DLGAP2: variants seen among roughly 807,000 people sequenced by gnomAD.
DLGAP2 encodes the protein DLG associated protein 2.
A neutral mutation model predicts 100.3 loss-of-function variants in DLGAP2; 26 were observed. That is an observed-to-expected ratio of 0.26 (90% confidence interval 0.19 to 0.36). The LOEUF (loss-of-function observed/expected upper bound fraction) is 0.36, where lower values mean the gene tolerates loss of function less well. DLGAP2 is among the 10% of genes least tolerant of loss of function. The probability of loss-of-function intolerance (pLI) is 1.00; values close to 1 mark genes in which losing one functional copy is unlikely to be tolerated. For synonymous variants in DLGAP2, 886 were observed against 630.1 expected (o/e 1.41, Z -6.08); for missense variants, 1,858 against 1,453.2 (o/e 1.28, Z -4.53).
At position 1,540,716 on chromosome 8, in the gene DLGAP2, G is replaced by T. The variant is rs149542990; in HGVS notation, c.173-7910G>T. Among the ~76,000 whole-genome samples the T allele has an allele frequency of 2.9e-3, 444 of 152,342 alleles. 2 individuals are homozygous for T. Among genetic ancestry groups the T allele is most frequent in the African/African-American group, 9.9e-3 (410 of 41,570 alleles). ...GGCATCACTGCGGACAGAGCCCAGC[G>T]TGGGCGGCCGTGACCAGCAGTGCTT... On this transcript the variant is annotated intron_variant, in intron 4 of 14. Coordinates refer to ENST00000637795, the MANE Select transcript of DLGAP2 (RefSeq NM_001346810.2).
chr8:1,695,424 C>T (rs1799367131), intron 13 of DLGAP2, among the ~76,000 whole-genome samples: 3 of 140,966 alleles, frequency 2.1e-5, no homozygotes, highest in South Asian at 2.2e-4. Context: ...AGAGGGGGCA[C>T]AGCCATGTCC....
chr8:863,978 A>C (rs1014532223), intron 1 of DLGAP2, among the ~76,000 whole-genome samples: 15 of 152,198 alleles, frequency 9.9e-5, no homozygotes, highest in African/African-American at 3.6e-4. Context: ...AGGTGAATGG[A>C]TAAAGAAAAT....
At chr8:1,148,595 C>T (rs1430639034) in intron 2 of DLGAP2, among the ~76,000 whole-genome samples, 1 of 151,918 alleles carries the variant, frequency 6.6e-6, no homozygotes, top group African/African-American at 2.4e-5. Flanking sequence ...TTAGCTGCCT[C>T]TCGAGTATTA....
At chr8:1,218,659 A>T (rs1264128102) in intron 2 of DLGAP2, among the ~76,000 whole-genome samples, 2 of 152,184 alleles carry the variant, frequency 1.3e-5, no homozygotes, top group East Asian at 3.9e-4. Context: ...AGTTCTAATT[A>T]TATGGAAAAT....
chr8:1,418,478 TTC>T (rs1455193335), intron 3 of DLGAP2, among the ~76,000 whole-genome samples: 2 of 152,300 alleles, frequency 1.3e-5, no homozygotes, highest in South Asian at 2.1e-4. Context: ...GTTAACTTCT[TTC>T]TCTCTTTTAA....
chr8:1,323,833 T>C (rs1446093089), intron 3 of DLGAP2, among the ~76,000 whole-genome samples: 1 of 152,238 alleles, frequency 6.6e-6, no homozygotes, highest in Non-Finnish European at 1.5e-5. Flanking sequence ...CACCTGTTCC[T>C]GGAGCTGAGG....
chr8:1,356,665 G>A (rs1563102807), intron 3 of DLGAP2, among the ~76,000 whole-genome samples: 1 of 152,222 alleles, frequency 6.6e-6, no homozygotes, highest in African/African-American at 2.4e-5. Context: ...GTGACGGTTG[G>A]TGAATGAGGT....
intron 3 of DLGAP2, among the ~76,000 whole-genome samples, chr8:1,441,476 T>A (rs1797830581): frequency 6.6e-6 from 1 of 151,872 alleles, no homozygotes. Context: ...GATCACAAGG[T>A]CAAGAGATCA....
chr8:1,380,453 G>A (rs1043373487), intron 3 of DLGAP2: 4 of 152,138 alleles, frequency 2.6e-5, no homozygotes, highest in South Asian at 2.1e-4. Flanking sequence ...GCACAAATTC[G>A]TGCATAAAAC....
At chr8:746,082 G>A (rs556648613) in intron 1 of DLGAP2, among the ~76,000 whole-genome samples, 10 of 152,286 alleles carry the variant, frequency 6.6e-5, no homozygotes, top group East Asian at 1.9e-4. Context: ...CCTGGTCGGG[G>A]CCCGTGTGCC....
chr8:857,515 T>C (rs1010132204), intron 1 of DLGAP2, among the ~76,000 whole-genome samples: 1 of 152,178 alleles, frequency 6.6e-6, no homozygotes, highest in Non-Finnish European at 1.5e-5. Context: ...TTTTAAAATG[T>C]GTAAAAGATC....
At chr8:1,437,366 C>T (rs766437463) in intron 3 of DLGAP2, among the ~76,000 whole-genome samples, 2 of 152,256 alleles carry the variant, frequency 1.3e-5, no homozygotes, top group African/African-American at 2.4e-5. Flanking sequence ...TTACGTTTCT[C>T]TGAATGTGCC....
At chr8:1,293,336 C>T (rs535671615) in intron 3 of DLGAP2, among the ~76,000 whole-genome samples, 11 of 152,226 alleles carry the variant, frequency 7.2e-5, no homozygotes, top group African/African-American at 1.2e-4. Context: ...GACGGCTGAG[C>T]CATGGCTCCT....
intron 1 of DLGAP2, among the ~76,000 whole-genome samples, chr8:763,912 A>G (rs1484420968): frequency 1.3e-5 from 2 of 152,232 alleles, no homozygotes; most frequent in Non-Finnish European, 2.9e-5. Context: ...ACAGAAAGTG[A>G]CGGCCTCATA....
intron 3 of DLGAP2, among the ~76,000 whole-genome samples, chr8:1,434,691 A>C (rs1405288054): frequency 6.6e-6 from 1 of 152,066 alleles, no homozygotes; most frequent in Non-Finnish European, 1.5e-5. Context: ...GCCCTGGCTG[A>C]TCTCGAACTC....
intron 3 of DLGAP2, among the ~76,000 whole-genome samples, chr8:1,428,118 A>C (rs1479665086): frequency 6.6e-6 from 1 of 151,848 alleles, no homozygotes; most frequent in Non-Finnish European, 1.5e-5. Flanking sequence ...TAAGAGAAAG[A>C]AAATGATAAA....
intron 4 of DLGAP2, among the ~76,000 whole-genome samples, chr8:1,502,739 G>T (rs1200436979): frequency 6.6e-6 from 1 of 152,196 alleles, no homozygotes; most frequent in African/African-American, 2.4e-5. Flanking sequence ...CTCATTTGAC[G>T]TTTGTTTTCT....
At chr8:1,139,816 A>G (rs1302753192) in intron 2 of DLGAP2, among the ~76,000 whole-genome samples, 1 of 151,946 alleles carries the variant, frequency 6.6e-6, no homozygotes, top group African/African-American at 2.4e-5. Context: ...CCGTAAGTGT[A>G]TTAACTTTTT....
At chr8:1,419,788 A>G (rs573136682) in intron 3 of DLGAP2, among the ~76,000 whole-genome samples, 1 of 152,212 alleles carries the variant, frequency 6.6e-6, no homozygotes, top group Non-Finnish European at 1.5e-5. Flanking sequence ...GCCACTAAGG[A>G]AAACAGCATG....
Sources: gnomAD v4.1 joint callset for allele counts (sites outside exome capture counted in the v4.1 genomes callset) on GRCh38, gnomAD v4.1.1 for gene constraint, MANE v1.5 for transcripts, NCBI Gene and HGNC (gene_info 2026-07-23, HGNC 2026-07-21) for gene names.